NAT16: variants seen among roughly 807,000 people sequenced by gnomAD.
The protein encoded by NAT16 is N-acetyltransferase 16 (putative), also known as probable N-acetyltransferase 16.
A neutral mutation model predicts 15.9 loss-of-function variants in NAT16; 16 were observed. That is an observed-to-expected ratio of 1.01 (90% confidence interval 0.68 to 1.53). NAT16 has a LOEUF of 1.53. Among genes scored for constraint, NAT16 ranks in the 40% most tolerant of loss-of-function variants. The pLI is 0.00. For missense variants in NAT16, 572 were observed against 508.4 expected (o/e 1.13, Z -1.20); for synonymous variants, 260 against 241.9 (o/e 1.07, Z -0.69).
At position 101,172,589 on chromosome 7, in the gene NAT16, C is replaced by A. The variant is rs1242525342; in HGVS notation, c.600G>T (p.Ala200=). Residue 200 remains alanine (A), a synonymous_variant, in exon 4 of 4, where the codon GCG becomes GCT. Coordinates refer to ENST00000300303, the MANE Select transcript of NAT16 (RefSeq NM_198571.3). This position sits in a 1 kb window ranked among gnomAD's most constrained non-coding sequence, Gnocchi z 4.2. ...ALLAGLGARL[A]ALRTSGTFSP... is the part of the protein sequence containing the mutation. ...AGAAGGTGCCAGAGGTCCGCAGCGCCGCCAGCCGCGCGCCCAGCCCGGCCA... is the reference window on the plus strand; with the variant it reads ...AGAAGGTGCCAGAGGTCCGCAGCGCAGCCAGCCGCGCGCCCAGCCCGGCCA... The A allele has an allele frequency of 6.5e-7, 1 of 1,527,590 alleles. No individual in the cohort carries two copies. The highest frequency in any genetic ancestry group is 1.4e-5 in the African/African-American group (1 of 70,316). 94.6% of individuals were successfully genotyped at this position (1,527,590 alleles called of 1,614,324 possible). A position where few individuals can be genotyped will look rare whatever the true frequency, so the allele number is the denominator to read the frequency against.
chr7:101,174,544 G>GA lies in NAT16; in HGVS notation c.263dup (p.Arg89ProfsTer164). 1 of 1,613,942 alleles carries GA rather than the reference G, an allele frequency of 6.2e-7. No homozygotes were observed. Among genetic ancestry groups the GA allele is most frequent in the Admixed American group, 1.7e-5 (1 of 60,016 alleles). ...GCACCACCGTGCGGTCGGGGTCCCG[G>GA]AGCCAGCTGTGGTAGCGGCTAGGAA... is the stretch of plus-strand genomic sequence containing the variant. On this transcript the variant is annotated frameshift_variant, in exon 2 of 4. Transcript: ENST00000300303. LOFTEE classifies it high-confidence loss of function.
At chr7:101,179,677 G>C (rs1025783780) in intron 1 of NAT16, among the ~76,000 whole-genome samples, 14 of 147,678 alleles carry the variant, frequency 9.5e-5, no homozygotes, top group Admixed American at 2.0e-4. Flanking sequence ...AGAAGGGGGG[G>C]CTGTCCTGCA....
chr7:101,171,796 C>T lies in NAT16; in HGVS notation c.*283G>A, dbSNP rs1165094494. The T allele has an allele frequency of 2.5e-6, 1 of 397,962 alleles. No individual in the cohort carries two copies. Among genetic ancestry groups the T allele is most frequent in the Non-Finnish European group, 4.5e-6 (1 of 221,786 alleles). The allele number at this position is 397,962 out of a possible 1,614,324, so 24.7% of individuals were successfully genotyped here. ...TGCGGGGACCAGTTCTTTGGAAAAA[C>T]AGAGGGTGGATAACAGCAGCTCAAG... On this transcript the variant is annotated 3_prime_UTR_variant, in exon 4 of 4. Coordinates refer to ENST00000300303, the MANE Select transcript of NAT16 (RefSeq NM_198571.3).
At position 101,173,283 on chromosome 7, in the gene NAT16, C is replaced by A. The variant is rs1219754991; in HGVS notation, c.537+13G>T. The A allele has an allele frequency of 1.2e-6, 2 of 1,611,700 alleles. No individual in the cohort carries two copies. Among genetic ancestry groups the A allele is most frequent in the Admixed American group, 3.3e-5 (2 of 59,992 alleles). On this transcript the variant is annotated intron_variant, in intron 3 of 3. Transcript: ENST00000300303. ...AGAGAGGCCCAGCCATCCGAGCTCC[C>A]TGTCCTTCTCACCTGCTTGGTGATT... is the stretch of plus-strand genomic sequence containing the variant.
Position 101,173,434 on chromosome 7 carries a change from C to G in NAT16, c.399G>C (p.Lys133Asn). 2.5e-6 allele frequency: 4 copies of G among 1,612,720 alleles called. No homozygotes were observed. Among genetic ancestry groups the G allele is most frequent in the Non-Finnish European group, 3.4e-6 (4 of 1,179,260 alleles). Residue 133 changes from lysine (K) to asparagine (N), a missense_variant, in exon 3 of 4, where the codon AAG (lysine) becomes AAC (asparagine). Physicochemically the swap from Lys to Asn is moderately conservative, Grantham distance 94. Coordinates refer to ENST00000300303, the MANE Select transcript of NAT16 (RefSeq NM_198571.3). ...AGCGCTGCAGCAGCCCGGCCACGCC[C>G]TTCCCGCGCTCCCAGGGCGCCACGC... ...GLRVAPWERGKGVAGLLQRFC... is the reference protein window; with the variant it reads ...GLRVAPWERGNGVAGLLQRFC...
chr7:101,174,501 C>T lies in NAT16; in HGVS notation c.307G>A (p.Gly103Ser). The change falls in exon 2 of 4, where the codon GGC becomes AGC. Residue 103 changes from glycine to serine, a missense_variant. By Grantham distance (56) the Gly-to-Ser change is moderately conservative. Transcript: ENST00000300303. Reference protein sequence around the residue: ...RTVVLAKRNGGVIALESVNVI... With the variant: ...RTVVLAKRNGSVIALESVNVI... The stretch of plus-strand genomic sequence containing the variant: ...GGCCGTGCCCCCGGGCTCACCACGC[C>T]TCCGTTGCGCTTGGCCAGCACCACC... The T allele has an allele frequency of 6.2e-6, 10 of 1,611,366 alleles. No individual in the cohort carries two copies. Among genetic ancestry groups the T allele is most frequent in the African/African-American group, 2.7e-5 (2 of 75,028 alleles).
At chr7:101,173,259 G>A (rs1171189740) in intron 3 of NAT16, 37 bp downstream of exon 3, 12 of 1,575,740 alleles carry the variant, frequency 7.6e-6, no homozygotes, top group Non-Finnish European at 1.0e-5. Context: ...TGCCCCAGCA[G>A]AGAGGCCCAG....
At position 101,171,878 on chromosome 7, in the gene NAT16, A is replaced by C; in HGVS notation, c.*201T>G. ...GCAAGTTCAGGTCAGGGAGTGGGCA[A>C]TGGTGTTTGGGGGAGCTAGAGGCAA... On this transcript the variant is annotated 3_prime_UTR_variant, in exon 4 of 4. Transcript: ENST00000300303. 1 of 560,934 alleles carries C rather than the reference A, an allele frequency of 1.8e-6. No individual in the cohort carries two copies. The highest frequency in any genetic ancestry group is 3.2e-6 in the Non-Finnish European group (1 of 317,118). 34.7% of individuals were successfully genotyped at this position (560,934 alleles called of 1,614,324 possible). A position where few individuals can be genotyped will look rare whatever the true frequency, so the allele number is the denominator to read the frequency against.
At chr7:101,175,457 C>T (rs974555485) in intron 1 of NAT16, among the ~76,000 whole-genome samples, 1 of 151,800 alleles carries the variant, frequency 6.6e-6, no homozygotes, top group Non-Finnish European at 1.5e-5. Context: ...GGAGGTCTCC[C>T]AGCTCCCTCC....
rs754238631 is a variant in NAT16 at position 101,172,414 on chromosome 7, G to A, written c.775C>T (p.Leu259=). 1.9e-6 allele frequency: 3 copies of A among 1,582,502 alleles called. No homozygotes were observed. The change falls in exon 4 of 4, where the codon CTG becomes TTG. Residue 259 remains leucine (L), a synonymous_variant. Transcript: ENST00000300303. The surrounding 1 kb of genome is among the most constrained non-coding windows in gnomAD (Gnocchi z 4.2). ...CGCCACTCCAGGCCCTTGGCCGCCA[G>A]CAGGCGCAGGTTGCTTTCGCTAGGC... is the stretch of plus-strand genomic sequence containing the variant. ...YRPSESNLRL[L]AAKGLEWRVD... is the part of the protein sequence containing the mutation.
At chr7:101,176,221 A>G (rs1481454672) in intron 1 of NAT16, among the ~76,000 whole-genome samples, 1 of 152,190 alleles carries the variant, frequency 6.6e-6, no homozygotes, top group Admixed American at 6.5e-5. Flanking sequence ...AGATAGCTCC[A>G]CTAGAAAATG....
At position 101,171,732 on chromosome 7, in the gene NAT16, G is replaced by A. The variant is rs117169697; in HGVS notation, c.*347C>T. On this transcript the variant is annotated 3_prime_UTR_variant, in exon 4 of 4. Transcript: ENST00000300303. Reference sequence around the variant, plus strand: ...AGGAAAGGGGGAGTTCACGCCCCGGGTGAGGTGATGGAGAGGGAAGGAAGG... The same window carrying A: ...AGGAAAGGGGGAGTTCACGCCCCGGATGAGGTGATGGAGAGGGAAGGAAGG... 218 of 226,590 alleles carry A rather than the reference G, an allele frequency of 9.6e-4. 5 individuals are homozygous for A. The East Asian group carries it at 0.025, about 26-fold the overall frequency. The allele number at this position is 226,590 out of a possible 1,614,324, so 14.0% of individuals were successfully genotyped here. A position where few individuals can be genotyped will look rare whatever the true frequency, so the allele number is the denominator to read the frequency against.
In NAT16 at chr7:101,174,557, T is replaced by C; in HGVS notation, c.251A>G (p.Tyr84Cys). 1 of 1,613,386 alleles carries C rather than the reference T, an allele frequency of 6.2e-7. No homozygotes were observed. The highest frequency in any genetic ancestry group is 8.5e-7 in the Non-Finnish European group (1 of 1,179,824). ...GTCGGGGTCCCGGAGCCAGCTGTGGTAGCGGCTAGGAAGGTAGTCCAGGCC... is the reference window on the plus strand; with the variant it reads ...GTCGGGGTCCCGGAGCCAGCTGTGGCAGCGGCTAGGAAGGTAGTCCAGGCC... ...YGGLDYLPSR[Y>C]HSWLRDPDRT... is the part of the protein sequence containing the mutation. The change falls in exon 2 of 4, where the codon TAC becomes TGC. Residue 84 changes from tyrosine to cysteine, a missense_variant. By Grantham distance (194) the Tyr-to-Cys change is radical. Coordinates refer to ENST00000300303, the MANE Select transcript of NAT16 (RefSeq NM_198571.3).
intron 1 of NAT16, among the ~76,000 whole-genome samples, chr7:101,176,095 TC>T (rs1186783088): frequency 6.6e-6 from 1 of 152,026 alleles, no homozygotes; most frequent in Non-Finnish European, 1.5e-5. Context: ...CCAGCTACAA[TC>T]CCAGCCAGGG....
At chr7:101,179,293 G>A (rs1797540988) in intron 1 of NAT16, 1 of 151,564 alleles carries the variant, frequency 6.6e-6, no homozygotes, top group Non-Finnish European at 1.5e-5. Flanking sequence ...GGCCGCAGGG[G>A]ACAGGCAGGG....
At chr7:101,173,233 G>C (rs372338737) in intron 3 of NAT16, 63 bp downstream of exon 3, 62 of 1,414,836 alleles carry the variant, frequency 4.4e-5, no homozygotes, top group Middle Eastern at 2.2e-4. Context: ...CTGGGGGTGG[G>C]GAGGGTCTCC....
In NAT16 at chr7:101,172,597, G is replaced by A. The variant is rs1489091557; in HGVS notation, c.592C>T (p.Arg198Trp). 13 of 1,527,628 alleles carry A rather than the reference G, an allele frequency of 8.5e-6. No homozygotes were observed. In the African/African-American group the frequency reaches 1.7e-4, roughly 20 times the overall value. 94.6% of individuals were successfully genotyped at this position (1,527,628 alleles called of 1,614,324 possible). A position where few individuals can be genotyped will look rare whatever the true frequency, so the allele number is the denominator to read the frequency against. ...ASALLAGLGARLAALRTSGTF... is the reference protein window; with the variant it reads ...ASALLAGLGAWLAALRTSGTF... Reference sequence around the variant, plus strand: ...CCAGAGGTCCGCAGCGCCGCCAGCCGCGCGCCCAGCCCGGCCAGCAGCGCG... The same window carrying A: ...CCAGAGGTCCGCAGCGCCGCCAGCCACGCGCCCAGCCCGGCCAGCAGCGCG... The change falls in exon 4 of 4, where the codon CGG becomes TGG. Residue 198 changes from arginine to tryptophan, a missense_variant. Physicochemically the swap from Arg to Trp is moderately radical, Grantham distance 101. Coordinates refer to ENST00000300303, the MANE Select transcript of NAT16 (RefSeq NM_198571.3). This position sits in a 1 kb window ranked among gnomAD's most constrained non-coding sequence, Gnocchi z 4.2.
In NAT16 at chr7:101,175,677, C is replaced by T. The variant is rs914309934; in HGVS notation, c.-4-866G>A. Among the ~76,000 whole-genome samples, 5 of 152,012 alleles carry T rather than the reference C, an allele frequency of 3.3e-5. No homozygotes were observed. The East Asian group carries it at 9.7e-4, about 29-fold the overall frequency. ...ACACGGAAACTCATGCCTGTACTCCCAGCACTTTGGGAGGCCAAGGCAGGT... is the reference window on the plus strand; with the variant it reads ...ACACGGAAACTCATGCCTGTACTCCTAGCACTTTGGGAGGCCAAGGCAGGT... On this transcript the variant is annotated intron_variant, in intron 1 of 3. Coordinates refer to ENST00000300303, the MANE Select transcript of NAT16 (RefSeq NM_198571.3).
chr7:101,178,294 G>A (rs1797510235), intron 1 of NAT16, among the ~76,000 whole-genome samples: 2 of 152,084 alleles, frequency 1.3e-5, no homozygotes, highest in Admixed American at 1.3e-4. Context: ...GTTCCATTTT[G>A]GGGGACATGA....
Sources: gnomAD v4.1 joint callset for allele counts (sites outside exome capture counted in the v4.1 genomes callset) on GRCh38, gnomAD v4.1.1 for gene constraint, Gnocchi (gnomAD v3.1) non-coding constraint, MANE v1.5 for transcripts, NCBI Gene and HGNC (gene_info 2026-07-23, HGNC 2026-07-21) for gene names.